ATP9A: variants seen among roughly 807,000 people sequenced by gnomAD.
The protein encoded by ATP9A is ATPase phospholipid transporting 9A.
Under a neutral mutation model 144.1 loss-of-function variants are expected in ATP9A, and 52 were observed. The observed-to-expected ratio is 0.36, with a 90% CI of 0.29 to 0.45. ATP9A has a LOEUF of 0.45. ATP9A is among the 20% of genes least tolerant of loss of function. ATP9A has a pLI of 1.00. For synonymous variants in ATP9A, 582 were observed against 557.4 expected, an observed-to-expected ratio of 1.04 and a Z score of -0.62; for missense variants, 947 against 1,392.7, an observed-to-expected ratio of 0.68 and a Z score of 5.09.
At chr20:51,669,146 T>C (rs1443670326) in intron 13 of ATP9A, among the ~76,000 whole-genome samples, 2 of 152,166 alleles carry the variant, frequency 1.3e-5, no homozygotes, top group Non-Finnish European at 2.9e-5. Context: ...AGGGGTGTGT[T>C]TGTCTTACTT....
rs111586654 is a variant in ATP9A at position 51,722,773 on chromosome 20, C to T, written c.327+3046G>A. Among the ~76,000 whole-genome samples the T allele has an allele frequency of 3.2e-3, 492 of 152,296 alleles. 1 individual carries two copies. The highest frequency in any genetic ancestry group is 0.011 in the African/African-American group (448 of 41,570). ...ATGTAAATACAACCACTATGGAAAA[C>T]AGTGTGGAGATTCCTTAAAGAACTG... On this transcript the variant is annotated intron_variant, in intron 3 of 27. Transcript: ENST00000338821.
intron 1 of ATP9A, among the ~76,000 whole-genome samples, chr20:51,752,775 G>C (rs753631806): frequency 1.3e-4 from 20 of 152,246 alleles, no homozygotes; most frequent in Non-Finnish European, 2.4e-4. Flanking sequence ...CTTTCTCTTT[G>C]TTTGCTTTAG....
At chr20:51,746,865 G>C (rs557624670) in intron 1 of ATP9A, among the ~76,000 whole-genome samples, 1 of 151,948 alleles carries the variant, frequency 6.6e-6, no homozygotes, top group South Asian at 2.1e-4. Context: ...AATCAATCAG[G>C]TGTGGTGGCG....
intron 1 of ATP9A, among the ~76,000 whole-genome samples, chr20:51,751,161 C>T (rs1489573402): frequency 1.3e-5 from 2 of 152,114 alleles, no homozygotes; most frequent in East Asian, 3.8e-4. Flanking sequence ...TCAACATGTA[C>T]CCTCACTGAA....
At chr20:51,652,075 C>G (rs533920260) in intron 14 of ATP9A, among the ~76,000 whole-genome samples, 1 of 152,340 alleles carries the variant, frequency 6.6e-6, no homozygotes, top group Admixed American at 6.5e-5. Context: ...GTTGCATTAT[C>G]ACCAAGGCCC....
At chr20:51,645,738 TACTC>T (rs1034181298) in intron 14 of ATP9A, among the ~76,000 whole-genome samples, 46 of 152,206 alleles carry the variant, frequency 3.0e-4, no homozygotes, top group African/African-American at 1.1e-3. Flanking sequence ...AGAAGTGGGG[TACTC>T]ACTAACACCT....
intron 25 of ATP9A, 104 bp downstream of exon 25, chr20:51,608,414 G>A: frequency 1.3e-6 from 1 of 781,132 alleles, no homozygotes; most frequent in Non-Finnish European, 2.3e-6. Flanking sequence ...CAGAATTGGA[G>A]GGTCTGTGTG....
chr20:51,613,595 C>T (rs2077192330), intron 23 of ATP9A, 82 bp downstream of exon 23: 2 of 1,385,972 alleles, frequency 1.4e-6, no homozygotes, highest in Non-Finnish European at 1.9e-6. Flanking sequence ...GCCACATGTA[C>T]ATGTGCAGAG....
At chr20:51,632,855 G>C (rs1028199439) in intron 15 of ATP9A, among the ~76,000 whole-genome samples, 1 of 152,312 alleles carries the variant, frequency 6.6e-6, no homozygotes, top group South Asian at 2.1e-4. Flanking sequence ...AGGCGCAGTG[G>C]CTCACACCTG....
intron 1 of ATP9A, among the ~76,000 whole-genome samples, chr20:51,730,399 C>T (rs1432982486): frequency 5.3e-5 from 8 of 152,166 alleles, no homozygotes; most frequent in Admixed American, 3.9e-4. Flanking sequence ...AACCAAGAGG[C>T]GGAGGTCGCA....
intron 13 of ATP9A, among the ~76,000 whole-genome samples, chr20:51,664,286 T>C (rs982678731): frequency 6.6e-6 from 1 of 152,058 alleles, no homozygotes; most frequent in Non-Finnish European, 1.5e-5. Flanking sequence ...TAAAATCCTA[T>C]GATAAAAATG....
intron 13 of ATP9A, among the ~76,000 whole-genome samples, chr20:51,662,132 C>G (rs1397919435): frequency 6.6e-6 from 1 of 152,232 alleles, no homozygotes; most frequent in Admixed American, 6.5e-5. Context: ...AACTATAAAT[C>G]CAGGGCTTAG....
intron 3 of ATP9A, among the ~76,000 whole-genome samples, chr20:51,718,845 A>C (rs1227685511): frequency 9.9e-6 from 1 of 100,544 alleles, no homozygotes; most frequent in South Asian, 3.5e-4. Flanking sequence ...AAAAAAAAAA[A>C]CAGGCCGGGT....
chr20:51,746,054 T>C (rs766646803), intron 1 of ATP9A, among the ~76,000 whole-genome samples: 2 of 152,206 alleles, frequency 1.3e-5, no homozygotes, highest in Non-Finnish European at 2.9e-5. Flanking sequence ...GAGGCTATTA[T>C]CCTCAGCACA....
chr20:51,661,840 G>A (rs182728462), intron 13 of ATP9A, among the ~76,000 whole-genome samples: 2 of 152,240 alleles, frequency 1.3e-5, no homozygotes, highest in Admixed American at 1.3e-4. Context: ...GGCTGATTAA[G>A]TGACTAAGTA....
At chr20:51,602,278 T>C (rs376458565) in intron 27 of ATP9A, among the ~76,000 whole-genome samples, 17 of 152,168 alleles carry the variant, frequency 1.1e-4, no homozygotes, top group African/African-American at 3.6e-4. Context: ...GAAGCCAGAA[T>C]AAGCCCCTTC....
At chr20:51,652,675 T>C (rs1204564661) in intron 14 of ATP9A, among the ~76,000 whole-genome samples, 1 of 152,232 alleles carries the variant, frequency 6.6e-6, no homozygotes, top group Non-Finnish European at 1.5e-5. Flanking sequence ...TTTAGAAGGC[T>C]GATCAGGAAG....
At chr20:51,714,880 G>A (rs1006524164) in intron 3 of ATP9A, among the ~76,000 whole-genome samples, 2 of 152,196 alleles carry the variant, frequency 1.3e-5, no homozygotes, top group Non-Finnish European at 2.9e-5. Flanking sequence ...TCTGAGTTGG[G>A]AACCCCAACT....
At position 51,725,876 on chromosome 20, in the gene ATP9A, G is replaced by A; in HGVS notation, c.270C>T (p.Cys90=). 6.2e-7 allele frequency: 1 copy of A among 1,613,956 alleles called. No homozygotes were observed. Among genetic ancestry groups the A allele is most frequent in the Non-Finnish European group, 8.5e-7 (1 of 1,179,806 alleles). Residue 90 remains cysteine (C), a synonymous_variant, in exon 3 of 28, where the codon TGC becomes TGT. Coordinates refer to ENST00000338821, the MANE Select transcript of ATP9A (RefSeq NM_006045.3). The part of the protein sequence containing the change: ...FFNLYFLLLA[C]SQFVPEMRLG... Reference sequence around the variant, plus strand: ...GTCTCATTTCGGGAACAAACTGAGAGCAGGCAAGAAGTAAGAAATAGAGGT... The same window carrying A: ...GTCTCATTTCGGGAACAAACTGAGAACAGGCAAGAAGTAAGAAATAGAGGT...
Sources: gnomAD v4.1 joint callset for allele counts (sites outside exome capture counted in the v4.1 genomes callset) on GRCh38, gnomAD v4.1.1 for gene constraint, MANE v1.5 for transcripts, NCBI Gene and HGNC (gene_info 2026-07-23, HGNC 2026-07-21) for gene names.